Variants in SUZ12 observed in about 807,000 individuals in gnomAD.
SUZ12 encodes SUZ12 polycomb repressive complex 2 subunit, also known as polycomb protein SUZ12.
A neutral mutation model predicts 87.3 loss-of-function variants in SUZ12; 17 were observed. The observed-to-expected ratio is 0.19, with a 90% CI of 0.13 to 0.29. SUZ12 has a LOEUF of 0.29. Among genes scored for constraint, SUZ12 ranks in the 10% least tolerant of loss-of-function variants. The pLI, the probability that SUZ12 is intolerant of heterozygous loss-of-function variation, is 1.00. For synonymous variants in SUZ12, 253 were observed against 312.4 expected, an observed-to-expected ratio of 0.81 and a Z score of 2.01; for missense variants, 526 against 912.2, an observed-to-expected ratio of 0.58 and a Z score of 5.45.
intron 5 of SUZ12, among the ~76,000 whole-genome samples, chr17:31,969,383 A>G (rs1320302101): frequency 6.6e-6 from 1 of 152,100 alleles, no homozygotes; most frequent in Admixed American, 6.6e-5. Flanking sequence ...TCCCGATCTC[A>G]GGTGATTTGC....
At position 31,978,503 on chromosome 17, in the gene SUZ12, G is replaced by A. The variant is rs1215192890; in HGVS notation, c.917+1889G>A. 4.6e-5 allele frequency among the ~76,000 whole-genome samples: 7 copies of A among 151,886 alleles called. No individual in the cohort carries two copies. The South Asian group carries it at 1.2e-3, about 27-fold the overall frequency. ...GGATTACAGGTGAGCCACCGTGCCCGGCCAGTGTCTTTTTAAAGTCAGAAA... is the reference window on the plus strand; with the variant it reads ...GGATTACAGGTGAGCCACCGTGCCCAGCCAGTGTCTTTTTAAAGTCAGAAA... On this transcript the variant is annotated intron_variant, in intron 8 of 15. Transcript: ENST00000322652.
chr17:31,953,711 ATTTTTTTTT>A (rs756892113), intron 4 of SUZ12, among the ~76,000 whole-genome samples: 52 of 131,742 alleles, frequency 3.9e-4, no homozygotes, highest in African/African-American at 1.5e-3. Flanking sequence ...CCCAGCCTCA[ATTTTTTTTT>A]TTTTTTTTTT....
At chr17:31,996,607 A>C (rs1044810134) in intron 14 of SUZ12, among the ~76,000 whole-genome samples, 191 bp from the exon 15 acceptor site, 2 of 152,092 alleles carry the variant, frequency 1.3e-5, no homozygotes, top group Non-Finnish European at 2.9e-5. Flanking sequence ...CGATAGAGCA[A>C]GACTCTGTCT....
intron 8 of SUZ12, among the ~76,000 whole-genome samples, chr17:31,980,429 CTTTTTTTTTTTTTTTT>C (rs58491591): frequency 8.0e-4 from 43 of 53,834 alleles, no homozygotes; most frequent in East Asian, 4.1e-3. Flanking sequence ...TCACCTTCTC[CTTTTTTTTTTTTTTTT>C]TTTTTTTTTT....
intron 5 of SUZ12, among the ~76,000 whole-genome samples, chr17:31,968,621 A>G (rs765659535): frequency 6.6e-5 from 10 of 152,140 alleles, no homozygotes; most frequent in African/African-American, 1.4e-4. Flanking sequence ...GATCTGGTCT[A>G]TTTTTTATAT....
intron 15 of SUZ12, among the ~76,000 whole-genome samples, chr17:31,997,365 T>G (rs1348322947): frequency 3.3e-5 from 5 of 152,116 alleles, no homozygotes. Flanking sequence ...TCGTTCACAC[T>G]CAAAACATTT....
intron 4 of SUZ12, among the ~76,000 whole-genome samples, chr17:31,949,251 G>A (rs147983119): frequency 1.3e-5 from 2 of 152,262 alleles, no homozygotes; most frequent in African/African-American, 4.8e-5. Flanking sequence ...CTGAACAATT[G>A]TTTCCCCAGT....
At chr17:31,956,168 C>T (rs1317124865) in intron 4 of SUZ12, among the ~76,000 whole-genome samples, 2 of 152,010 alleles carry the variant, frequency 1.3e-5, no homozygotes, top group Non-Finnish European at 2.9e-5. Flanking sequence ...CCGCCTCGGC[C>T]TCCCAAAGTG....
intron 3 of SUZ12, among the ~76,000 whole-genome samples, chr17:31,941,554 G>T (rs1177280654): frequency 1.5e-4 from 3 of 19,680 alleles, no homozygotes; most frequent in Non-Finnish European, 5.7e-4. Flanking sequence ...ACCGTGCCTG[G>T]CCTTTTTTTT....
intron 3 of SUZ12, among the ~76,000 whole-genome samples, chr17:31,946,942 A>G (rs545731579): frequency 2.6e-5 from 4 of 152,302 alleles, no homozygotes; most frequent in South Asian, 2.1e-4. Context: ...CCTAACTTCA[A>G]AATTTTTTCA....
At chr17:31,973,453 G>C (rs1000934686) in intron 6 of SUZ12, among the ~76,000 whole-genome samples, 18 of 147,028 alleles carry the variant, frequency 1.2e-4, no homozygotes, top group African/African-American at 4.9e-4. Context: ...CTTTCTCATA[G>C]GAGTCTGGAA....
intron 12 of SUZ12, 113 bp from the exon 13 acceptor site, chr17:31,994,451 C>T (rs1443704483): frequency 6.1e-6 from 6 of 976,866 alleles, no homozygotes; most frequent in African/African-American, 1.7e-5. Context: ...GCTGGTGTGC[C>T]TGGCCTATTT....
chr17:31,949,871 CAG>C (rs1164923336), intron 4 of SUZ12, among the ~76,000 whole-genome samples: 1 of 151,652 alleles, frequency 6.6e-6, no homozygotes, highest in East Asian at 1.9e-4. Context: ...TTAGTAGAAA[CAG>C]AGTTTCACCA....
At position 31,999,269 on chromosome 17, in the gene SUZ12, A is replaced by G. The variant is rs1598194384; in HGVS notation, c.*266A>G. 1 of 277,922 alleles carries G rather than the reference A, an allele frequency of 3.6e-6. No individual in the cohort carries two copies. Among genetic ancestry groups the G allele is most frequent in the South Asian group, 1.6e-4 (1 of 6,440 alleles). 17.2% of individuals were successfully genotyped at this position (277,922 alleles called of 1,614,324 possible). A position where few individuals can be genotyped will look rare whatever the true frequency, so the allele number is the denominator to read the frequency against. On this transcript the variant is annotated 3_prime_UTR_variant, in exon 16 of 16. Coordinates refer to ENST00000322652, the MANE Select transcript of SUZ12 (RefSeq NM_015355.4). ...TTTCAAAGTATTTTTAAACTCAACA[A>G]ATGTCATCAAATATGTTGAATTGAT...
intron 14 of SUZ12, 109 bp downstream of exon 14, chr17:31,995,871 A>AAG: frequency 1.2e-6 from 1 of 854,510 alleles, no homozygotes; most frequent in Non-Finnish European, 1.8e-6. Flanking sequence ...TTAAAAAAAA[A>AAG]AAAAGGAATC....
intron 6 of SUZ12, 60 bp from the exon 7 acceptor site, chr17:31,975,419 TTTA>T: frequency 8.5e-7 from 1 of 1,180,990 alleles, no homozygotes; most frequent in Non-Finnish European, 1.2e-6. Context: ...GATTAGAAGT[TTTA>T]TTATAATTCT....
At chr17:31,975,957 G>A (rs4037413) in intron 7 of SUZ12, among the ~76,000 whole-genome samples, 1 of 152,192 alleles carries the variant, frequency 6.6e-6, no homozygotes, top group Non-Finnish European at 1.5e-5. Flanking sequence ...TACTTGTTGT[G>A]TATTTATCCC....
rs367802342 is a variant in SUZ12, at chr17:31,970,633, GA to G, written c.506-2502del. On this transcript the variant is annotated intron_variant, in intron 5 of 15. Coordinates refer to ENST00000322652, the MANE Select transcript of SUZ12 (RefSeq NM_015355.4). ...ACCGAGTGAGGCTGACTCAAGAAAA[GA>G]AAAAAAAAAATTACCCAGGCTTGGT... Among the ~76,000 whole-genome samples the G allele has an allele frequency of 8.0e-3, 1,172 of 146,300 alleles. 9 individuals carry two copies. Among genetic ancestry groups the G allele is most frequent in the African/African-American group, 0.027 (1,073 of 40,182 alleles).
chr17:31,969,189 G>T (rs1908269959), intron 5 of SUZ12, among the ~76,000 whole-genome samples: 1 of 152,038 alleles, frequency 6.6e-6, no homozygotes, highest in Admixed American at 6.6e-5. Flanking sequence ...TGGTTGCCCA[G>T]GCTGGAGTGC....
Sources: allele counts gnomAD v4.1 joint callset (sites outside exome capture counted in the v4.1 genomes callset), GRCh38; gene constraint gnomAD v4.1.1; transcripts MANE v1.5; gene names NCBI Gene and HGNC (gene_info 2026-07-23, HGNC 2026-07-21).